Variants in FABP1 observed in about 807,000 individuals in gnomAD.
FABP1 encodes the protein fatty acid-binding protein, liver.
A neutral mutation model predicts 13.7 loss-of-function variants in FABP1; 13 were observed. That is an observed-to-expected ratio of 0.95 (90% CI 0.62 to 1.51). The LOEUF (loss-of-function observed/expected upper bound fraction) is 1.51. Ranked by LOEUF, FABP1 falls within the 40% of genes most tolerant of loss-of-function variation. FABP1 has a pLI of 0.00. For missense variants in FABP1, 140 were observed against 155.7 expected (o/e 0.90, Z 0.54); for synonymous variants, 48 against 59.8 (o/e 0.80, Z 0.91).
intron 2 of FABP1, among the ~76,000 whole-genome samples, chr2:88,125,295 C>T (rs1675275906): frequency 1.3e-5 from 2 of 152,160 alleles, no homozygotes; most frequent in Admixed American, 6.5e-5. Flanking sequence ...ACCATGAGCA[C>T]ATCAAGAATA....
intron 3 of FABP1, 27 bp from the exon 4 acceptor site, chr2:88,123,131 G>C: frequency 6.3e-7 from 1 of 1,589,090 alleles, no homozygotes; most frequent in Non-Finnish European, 8.6e-7. Context: ...AAATTATGAA[G>C]TGTTCATCTG....
intron 2 of FABP1, 196 bp downstream of exon 2, chr2:88,125,980 T>C: frequency 3.7e-6 from 2 of 536,130 alleles, no homozygotes; most frequent in South Asian, 6.8e-5. Context: ...CCCCAGACAG[T>C]CCCTGGGAAG....
intron 1 of FABP1, among the ~76,000 whole-genome samples, chr2:88,127,570 G>A (rs893501445): frequency 2.6e-5 from 4 of 152,108 alleles, no homozygotes; most frequent in Non-Finnish European, 5.9e-5. Flanking sequence ...TCCCTGATAA[G>A]AAAATGCCTT....
At chr2:88,126,449 G>T in intron 1 of FABP1, 101 bp from the exon 2 acceptor site, 2 of 1,229,366 alleles carry the variant, frequency 1.6e-6, no homozygotes, top group Non-Finnish European at 2.3e-6. Context: ...GGACAGAGAA[G>T]GGCACTGTGT....
chr2:88,126,411 T>A (rs1345822334), intron 1 of FABP1, 63 bp from the exon 2 acceptor site: 1 of 1,542,206 alleles, frequency 6.5e-7, no homozygotes, highest in African/African-American at 1.4e-5. Flanking sequence ...CCGTGGTAGG[T>A]AGGTGAGAGA....
chr2:88,127,003 A>G (rs1219503755), intron 1 of FABP1, among the ~76,000 whole-genome samples: 1 of 152,116 alleles, frequency 6.6e-6, no homozygotes, highest in African/African-American at 2.4e-5. Flanking sequence ...TGAGAGACAC[A>G]GAGGTGGTAT....
chr2:88,124,687 C>A lies in FABP1; in HGVS notation c.241-101G>T. On this transcript the variant is annotated intron_variant, in intron 2 of 3. Transcript: ENST00000295834. ...TTGCACAGGTCTCAGCTCATAACAACCAAAATGCTCTGGTTCCTATGATCC... is the reference window on the plus strand; with the variant it reads ...TTGCACAGGTCTCAGCTCATAACAAACAAAATGCTCTGGTTCCTATGATCC... 4.0e-6 allele frequency: 3 copies of A among 756,704 alleles called. No homozygotes were observed. In the Admixed American group the frequency reaches 8.0e-5, roughly 20 times the overall value. The allele number at this position is 756,704 out of a possible 1,614,324, so 46.9% of individuals were successfully genotyped here.
intron 3 of FABP1, chr2:88,124,058 T>A (rs1250666600): frequency 6.3e-6 from 1 of 157,910 alleles, no homozygotes; most frequent in African/African-American, 2.4e-5. Flanking sequence ...CAGGGGGACA[T>A]ACCTGCAGGA....
chr2:88,126,936 AC>A (rs1223232387), intron 1 of FABP1, among the ~76,000 whole-genome samples: 2 of 152,150 alleles, frequency 1.3e-5, no homozygotes, highest in African/African-American at 4.8e-5. Flanking sequence ...ATTGAGGTTC[AC>A]AAAAATTTTG....
At chr2:88,127,873 A>T in intron 1 of FABP1, 78 bp downstream of exon 1, 3 of 1,399,888 alleles carry the variant, frequency 2.1e-6, no homozygotes, top group Non-Finnish European at 3.0e-6. Flanking sequence ...CAACATTTGG[A>T]CCCTAAATAG....
intron 1 of FABP1, chr2:88,126,557 T>A (rs898973680): frequency 2.0e-6 from 1 of 502,622 alleles, no homozygotes; most frequent in Admixed American, 3.0e-5. Flanking sequence ...CCTGCTGCTA[T>A]CTTGCCAGTC....
At position 88,126,266 on chromosome 2, in the gene FABP1, G is replaced by A. The variant is rs1675294664; in HGVS notation, c.150C>T (p.Phe50=). 3 of 1,613,978 alleles carry A rather than the reference G, an allele frequency of 1.9e-6. No homozygotes were observed. Among genetic ancestry groups the A allele is most frequent in the Admixed American group, 1.7e-5 (1 of 60,018 alleles). ...TCACTTTGGACCCAGCGGTGATGGT[G>A]AACTTGAAGTGCTTCCCATTCTGCA... ...EIVQNGKHFK[F]TITAGSKVIQ... The change falls in exon 2 of 4, where the codon TTC becomes TTT. Residue 50 remains phenylalanine (F), a synonymous_variant. Transcript: ENST00000295834.
At chr2:88,123,215 G>A in intron 3 of FABP1, 111 bp from the exon 4 acceptor site, 2 of 840,502 alleles carry the variant, frequency 2.4e-6, no homozygotes, top group Non-Finnish European at 3.8e-6. Flanking sequence ...AAATATGTTG[G>A]CATATGAAAC....
chr2:88,126,666 T>A, intron 1 of FABP1: 1 of 248,094 alleles, frequency 4.0e-6, no homozygotes, highest in Non-Finnish European at 8.1e-6. Flanking sequence ...CCTCCTTTGA[T>A]GACTTTGCTC....
chr2:88,123,322 C>T, intron 3 of FABP1: 1 of 546,040 alleles, frequency 1.8e-6, no homozygotes, highest in South Asian at 2.5e-5. Flanking sequence ...CTCCTCCTCA[C>T]CTGGAAAGTC....
intron 2 of FABP1, among the ~76,000 whole-genome samples, chr2:88,124,931 T>G (rs1281008043): frequency 4.0e-5 from 6 of 151,804 alleles, no homozygotes; most frequent in African/African-American, 1.5e-4. Context: ...ATTCAAATAT[T>G]GACCAGTAGA....
At position 88,126,441 on chromosome 2, in the gene FABP1, A is replaced by G. The variant is rs530647862; in HGVS notation, c.68-93T>C. ...GAGAGAAACGACATGACATGGAGGG[A>G]CAGAGAAGGGCACTGTGTCTCCCAA... is the stretch of plus-strand genomic sequence containing the variant. On this transcript the variant is annotated intron_variant, in intron 1 of 3. Coordinates refer to ENST00000295834, the MANE Select transcript of FABP1 (RefSeq NM_001443.3). 6.1e-6 allele frequency: 8 copies of G among 1,306,310 alleles called. No individual in the cohort carries two copies. In the South Asian group the frequency reaches 8.1e-5, roughly 13 times the overall value. 80.9% of individuals were successfully genotyped at this position (1,306,310 alleles called of 1,614,324 possible).
chr2:88,127,233 C>A (rs570089131), intron 1 of FABP1, among the ~76,000 whole-genome samples: 1 of 152,162 alleles, frequency 6.6e-6, no homozygotes, highest in East Asian at 1.9e-4. Flanking sequence ...TCCACTGAGC[C>A]ATCCCCCCAT....
intron 2 of FABP1, chr2:88,125,786 A>G (rs1675285449): frequency 6.2e-6 from 1 of 161,122 alleles, no homozygotes; most frequent in Non-Finnish European, 1.4e-5. Context: ...AGGCCAGTTG[A>G]CTTTGGGCTC....
Sources: allele counts gnomAD v4.1 joint callset (sites outside exome capture counted in the v4.1 genomes callset), GRCh38; gene constraint gnomAD v4.1.1; transcripts MANE v1.5; gene names NCBI Gene and HGNC (gene_info 2026-07-23, HGNC 2026-07-21).